The following GRIN2A variants were observed in gnomAD, a reference collection of about 807,000 sequenced individuals.
GRIN2A encodes the protein glutamate receptor ionotropic, NMDA 2A.
A neutral mutation model predicts 113.4 loss-of-function variants in GRIN2A; 22 were observed. The observed-to-expected ratio is 0.19, with a 90% CI of 0.14 to 0.28. The LOEUF (loss-of-function observed/expected upper bound fraction) is 0.28. GRIN2A is among the 10% of genes least tolerant of loss of function. GRIN2A has a pLI of 1.00. For synonymous variants in GRIN2A, 827 were observed against 738.4 expected (o/e 1.12, Z -1.94); for missense variants, 1,502 against 1,887.0 (o/e 0.80, Z 3.78).
In GRIN2A at chr16:9,927,426, C is replaced by T. The variant is rs181481885; in HGVS notation, c.1007+10533G>A. 7.9e-5 allele frequency among the ~76,000 whole-genome samples: 12 copies of T among 152,098 alleles called. No individual in the cohort carries two copies. In the East Asian group the frequency reaches 1.4e-3, roughly 17 times the overall value. Reference sequence around the variant, plus strand: ...GGTGTTACCAGCAAACTTGAGGTAACGAGGAAGTCAGTTAGAGAAAAAAAA... The same window carrying T: ...GGTGTTACCAGCAAACTTGAGGTAATGAGGAAGTCAGTTAGAGAAAAAAAA... On this transcript the variant is annotated intron_variant, in intron 3 of 12. Transcript: ENST00000330684.
chr16:9,768,568 G>A lies in GRIN2A; in HGVS notation c.2595+283C>T, dbSNP rs182432155. Among the ~76,000 whole-genome samples the A allele has an allele frequency of 1.8e-3, 268 of 152,248 alleles. 2 individuals carry two copies. The highest frequency in any genetic ancestry group is 6.2e-3 in the African/African-American group (259 of 41,558). On this transcript the variant is annotated intron_variant, in intron 12 of 12. Coordinates refer to ENST00000330684, the MANE Select transcript of GRIN2A (RefSeq NM_001134407.3). ...GCCACAGTCCTCAGTATTCCCTATC[G>A]TTCTCTCACTTTGATACTGAGGTTT... is the stretch of plus-strand genomic sequence containing the variant.
At chr16:9,940,733 C>T (rs2044851956) in intron 2 of GRIN2A, among the ~76,000 whole-genome samples, 1 of 152,168 alleles carries the variant, frequency 6.6e-6, no homozygotes, top group Non-Finnish European at 1.5e-5. Flanking sequence ...AAGATCATCA[C>T]CTACACCTTC....
chr16:9,947,576 C>A (rs1012269464), intron 2 of GRIN2A, among the ~76,000 whole-genome samples: 6 of 152,132 alleles, frequency 3.9e-5, no homozygotes, highest in Non-Finnish European at 7.4e-5. Context: ...CAAAAATATC[C>A]CAGTGTTCTC....
chr16:9,953,197 AG>A (rs2045223895), intron 2 of GRIN2A, among the ~76,000 whole-genome samples: 1 of 152,184 alleles, frequency 6.6e-6, no homozygotes, highest in Non-Finnish European at 1.5e-5. Flanking sequence ...GATGTTTAGG[AG>A]GTACATTCAA....
chr16:9,990,561 G>GCA (rs776273740), intron 2 of GRIN2A, among the ~76,000 whole-genome samples: 1,498 of 128,696 alleles, frequency 0.012, 27 homozygotes, highest in African/African-American at 0.039. Context: ...GCGCGCGCGC[G>GCA]CGCACACACA....
At chr16:9,985,058 C>T (rs780320540) in intron 2 of GRIN2A, among the ~76,000 whole-genome samples, 1 of 151,982 alleles carries the variant, frequency 6.6e-6, no homozygotes, top group Non-Finnish European at 1.5e-5. Context: ...ACACACACAC[C>T]GAGTAACTTG....
intron 2 of GRIN2A, among the ~76,000 whole-genome samples, chr16:10,127,672 G>T (rs532442406): frequency 6.6e-6 from 1 of 152,128 alleles, no homozygotes; most frequent in African/African-American, 2.4e-5. Context: ...ACAGAGCCTG[G>T]CACCTAGCTC....
chr16:9,854,569 C>A (rs894311831), intron 4 of GRIN2A, among the ~76,000 whole-genome samples: 1 of 152,108 alleles, frequency 6.6e-6, no homozygotes, highest in Non-Finnish European at 1.5e-5. Context: ...GGACCCTGTG[C>A]ACTTTGAAGA....
chr16:9,954,824 T>C (rs2045268180), intron 2 of GRIN2A, among the ~76,000 whole-genome samples: 1 of 152,206 alleles, frequency 6.6e-6, no homozygotes, highest in South Asian at 2.1e-4. Flanking sequence ...AAGCAAGTCA[T>C]GCAGTGGGAT....
intron 12 of GRIN2A, among the ~76,000 whole-genome samples, chr16:9,768,604 TC>T (rs1281522034): frequency 2.0e-5 from 3 of 152,208 alleles, no homozygotes; most frequent in African/African-American, 7.2e-5. Flanking sequence ...AGCTGCCGTT[TC>T]ACGTCATCTG....
Position 9,829,600 on chromosome 16 carries a change from G to T in GRIN2A, c.1830C>A (p.Gly610=). The T allele has an allele frequency of 2.5e-6, 4 of 1,613,950 alleles. No individual in the cohort carries two copies. In the South Asian group the frequency reaches 4.4e-5, roughly 18 times the overall value. The part of the protein sequence containing the change: ...TIGKAIWLLW[G]LVFNNSVPVQ... The stretch of plus-strand genomic sequence containing the variant: ...CAGGCACGGAGTTATTGAACACCAG[G>T]CCCCAAAGAAGCCATATAGCTTTTC... The change falls in exon 9 of 13, where the codon GGC becomes GGA. Residue 610 remains glycine, a synonymous_variant. Coordinates refer to ENST00000330684, the MANE Select transcript of GRIN2A (RefSeq NM_001134407.3).
chr16:10,034,576 C>G (rs1454627032), intron 2 of GRIN2A, among the ~76,000 whole-genome samples: 1 of 120,526 alleles, frequency 8.3e-6, no homozygotes, highest in Non-Finnish European at 1.7e-5. Flanking sequence ...TGGCTCAGAA[C>G]TGATGGAGCC....
chr16:9,959,954 C>T (rs1176780846), intron 2 of GRIN2A, among the ~76,000 whole-genome samples: 1 of 152,174 alleles, frequency 6.6e-6, no homozygotes, highest in East Asian at 1.9e-4. Flanking sequence ...GCCTCGGTGA[C>T]AGAGCGAGAT....
At chr16:9,823,701 T>G (rs1185730742) in intron 9 of GRIN2A, among the ~76,000 whole-genome samples, 1 of 152,174 alleles carries the variant, frequency 6.6e-6, no homozygotes, top group Non-Finnish European at 1.5e-5. Flanking sequence ...AGAGGCTGCT[T>G]CTTGCAGATA....
intron 2 of GRIN2A, among the ~76,000 whole-genome samples, chr16:9,963,155 A>T (rs1490839744): frequency 6.7e-6 from 1 of 149,642 alleles, no homozygotes; most frequent in Non-Finnish European, 1.5e-5. Context: ...GCATTAGGAG[A>T]TATACCTAAT....
At chr16:10,108,182 G>A (rs2048534010) in intron 2 of GRIN2A, among the ~76,000 whole-genome samples, 1 of 152,190 alleles carries the variant, frequency 6.6e-6, no homozygotes, top group Non-Finnish European at 1.5e-5. Context: ...GTACCACATG[G>A]CTGGGAAGGC....
intron 3 of GRIN2A, among the ~76,000 whole-genome samples, chr16:9,927,695 C>T (rs1414671208): frequency 6.6e-6 from 1 of 152,144 alleles, no homozygotes; most frequent in African/African-American, 2.4e-5. Flanking sequence ...GTAGGTCTTA[C>T]CCTTAGAGTA....
At chr16:10,086,547 G>A (rs1318054320) in intron 2 of GRIN2A, among the ~76,000 whole-genome samples, 2 of 144,274 alleles carry the variant, frequency 1.4e-5, no homozygotes, top group African/African-American at 2.6e-5. Flanking sequence ...AGAAGCTGCT[G>A]TAAAATTACA....
At chr16:10,031,876 C>T (rs1272563309) in intron 2 of GRIN2A, among the ~76,000 whole-genome samples, 3 of 152,334 alleles carry the variant, frequency 2.0e-5, no homozygotes, top group South Asian at 4.1e-4. Flanking sequence ...TCAGACCAGA[C>T]ATTTGCTATG....
Sources: gnomAD v4.1 joint callset for allele counts (sites outside exome capture counted in the v4.1 genomes callset) on GRCh38, gnomAD v4.1.1 for gene constraint, MANE v1.5 for transcripts, NCBI Gene and HGNC (gene_info 2026-07-23, HGNC 2026-07-21) for gene names.